CLRN3: variants seen among roughly 807,000 people sequenced by gnomAD.
CLRN3 encodes clarin-3.
In CLRN3, 12 loss-of-function variants were observed where a neutral mutation model predicts 16.7. The ratio of observed to expected loss-of-function variants is 0.72; its 90% CI spans 0.46 to 1.16. The LOEUF (loss-of-function observed/expected upper bound fraction) is 1.16. Among genes scored for constraint, CLRN3 ranks in the 50% most tolerant of loss-of-function variants. CLRN3 has a pLI of 0.00. For synonymous variants in CLRN3, 118 were observed against 113.0 expected (o/e 1.04, Z -0.28); for missense variants, 296 against 274.2 (o/e 1.08, Z -0.56).
At chr10:127,885,356 C>T (rs796672016) in intron 1 of CLRN3, among the ~76,000 whole-genome samples, 30 of 152,292 alleles carry the variant, frequency 2.0e-4, no homozygotes, top group South Asian at 8.3e-4. Flanking sequence ...TGCATCTCCA[C>T]GACTTAAACC....
intron 2 of CLRN3, among the ~76,000 whole-genome samples, chr10:127,880,251 C>CT (rs996180172): frequency 1.3e-5 from 2 of 152,074 alleles, no homozygotes; most frequent in Non-Finnish European, 2.9e-5. Context: ...AGTCTAAATG[C>CT]TTTTTTCCAG....
In CLRN3 at chr10:127,878,032, A is replaced by T. The variant is rs1248221370; in HGVS notation, c.*117T>A. ...TGAAGAACACAGTGTCATGAAACAC[A>T]AATGCTGTCACAGATGACAGTCACG... On this transcript the variant is annotated 3_prime_UTR_variant, in exon 3 of 3. Coordinates refer to ENST00000368671, the MANE Select transcript of CLRN3 (RefSeq NM_152311.5). 1.6e-6 allele frequency: 2 copies of T among 1,274,644 alleles called. No homozygotes were observed. Among genetic ancestry groups the T allele is most frequent in the South Asian group, 2.9e-5 (2 of 69,284 alleles). The allele number at this position is 1,274,644 out of a possible 1,614,324, so 79.0% of individuals were successfully genotyped here. A position where few individuals can be genotyped will look rare whatever the true frequency, so the allele number is the denominator to read the frequency against.
intron 1 of CLRN3, among the ~76,000 whole-genome samples, chr10:127,884,719 G>A (rs557060714): frequency 6.6e-6 from 1 of 152,210 alleles, no homozygotes. Flanking sequence ...TCCTGGTTTT[G>A]CCTTTCTCAG....
chr10:127,886,820 C>A (rs1359317917), intron 1 of CLRN3, among the ~76,000 whole-genome samples: 1 of 152,220 alleles, frequency 6.6e-6, no homozygotes. Flanking sequence ...GGTGACTGGA[C>A]TATTTTGCAA....
intron 2 of CLRN3, among the ~76,000 whole-genome samples, chr10:127,882,926 T>G (rs887593337): frequency 6.6e-6 from 1 of 152,078 alleles, no homozygotes; most frequent in Non-Finnish European, 1.5e-5. Context: ...GCAGGGCAAA[T>G]AGGTACTTCC....
intron 1 of CLRN3, among the ~76,000 whole-genome samples, chr10:127,889,735 C>T (rs189830854): frequency 5.3e-5 from 8 of 152,324 alleles, no homozygotes; most frequent in South Asian, 4.1e-4. Context: ...ATATTTGAAA[C>T]GACATTCACA....
At chr10:127,887,708 A>T (rs889906988) in intron 1 of CLRN3, among the ~76,000 whole-genome samples, 5 of 152,232 alleles carry the variant, frequency 3.3e-5, no homozygotes, top group Admixed American at 1.3e-4. Context: ...CTCAGAACTT[A>T]GACAATACAA....
rs1426305988 is a variant in CLRN3 at position 127,892,686 on chromosome 10, C to A, written c.99G>T (p.Trp33Cys). 1 of 1,612,656 alleles carries A rather than the reference C, an allele frequency of 6.2e-7. No homozygotes were observed. Among genetic ancestry groups the A allele is most frequent in the Non-Finnish European group, 8.5e-7 (1 of 1,178,782 alleles). The change falls in exon 1 of 3, where the codon TGG becomes TGT. Residue 33 changes from tryptophan (W) to cysteine (C), a missense_variant. Trp to Cys is a radical substitution (Grantham distance 215). Coordinates refer to ENST00000368671, the MANE Select transcript of CLRN3 (RefSeq NM_152311.5). ...CTCTAACAGCAATTGTACTGGTGAT[C>A]CATGCTTGTGTCCCAAGAATAGAGC... ...VICSILGTQA[W>C]ITSTIAVRDS...
In CLRN3 at chr10:127,883,294, ATG is replaced by A. The variant is rs5788878; in HGVS notation, c.409+400_409+401del. 9.3e-3 allele frequency among the ~76,000 whole-genome samples: 1,414 copies of A among 151,552 alleles called. 13 individuals are homozygous for A. Among genetic ancestry groups the A allele is most frequent in the Non-Finnish European group, 0.013 (849 of 67,870 alleles). On this transcript the variant is annotated intron_variant, in intron 2 of 2. Coordinates refer to ENST00000368671, the MANE Select transcript of CLRN3 (RefSeq NM_152311.5). ...CATGTGTGTGTGTGTGTGTGTGCAC[ATG>A]TGTGTGTGCATGCGTGTGCATGTGT...
chr10:127,881,715 G>T (rs1044516900), intron 2 of CLRN3, among the ~76,000 whole-genome samples: 3 of 152,218 alleles, frequency 2.0e-5, no homozygotes, highest in Non-Finnish European at 4.4e-5. Context: ...AAGTAGCCCA[G>T]GACTTTCTCT....
rs949903859 is a variant in CLRN3 at position 127,892,886 on chromosome 10, A to C, written c.-102T>G. The C allele has an allele frequency of 1.5e-5, 10 of 687,642 alleles. No homozygotes were observed. Among genetic ancestry groups the C allele is most frequent in the Non-Finnish European group, 2.0e-5 (8 of 397,672 alleles). The allele number at this position is 687,642 out of a possible 1,614,324, so 42.6% of individuals were successfully genotyped here. On this transcript the variant is annotated 5_prime_UTR_variant, in exon 1 of 3. Coordinates refer to ENST00000368671, the MANE Select transcript of CLRN3 (RefSeq NM_152311.5). Reference sequence around the variant, plus strand: ...GTCTGGTATTTAGAAATGGAGTCTAACACTTTATTGTCAAATATAAAATCT... The same window carrying C: ...GTCTGGTATTTAGAAATGGAGTCTACCACTTTATTGTCAAATATAAAATCT...
At chr10:127,891,974 G>A (rs184993005) in intron 1 of CLRN3, among the ~76,000 whole-genome samples, 2 of 149,070 alleles carry the variant, frequency 1.3e-5, no homozygotes, top group African/African-American at 2.5e-5. Context: ...CCATGGAGAG[G>A]AGGGCATTAT....
In CLRN3 at chr10:127,878,386, C is replaced by G. The variant is rs1591257976; in HGVS notation, c.444G>C (p.Val148=). 6.2e-7 allele frequency: 1 copy of G among 1,614,154 alleles called. No homozygotes were observed. ...AGAGTTGGTTGGACTGCGTGTTCGC[C>G]ACAAACAGTATCATGGTCACAAAAA... ...SFVFVTMILF[V]ANTQSNQLSE... The change falls in exon 3 of 3, where the codon GTG becomes GTC. Residue 148 remains valine (V), a synonymous_variant. Coordinates refer to ENST00000368671, the MANE Select transcript of CLRN3 (RefSeq NM_152311.5).
rs371486048 is a variant in CLRN3, at chr10:127,883,842, G to C, written c.263C>G (p.Thr88Ser). 6 of 1,614,180 alleles carry C rather than the reference G, an allele frequency of 3.7e-6. No homozygotes were observed. Among genetic ancestry groups the C allele is most frequent in the Non-Finnish European group, 5.1e-6 (6 of 1,180,020 alleles). The change falls in exon 2 of 3, where the codon ACT (threonine) becomes AGT (serine). Residue 88 changes from threonine to serine, a missense_variant. Thr to Ser is a moderately conservative substitution (Grantham distance 58). Coordinates refer to ENST00000368671, the MANE Select transcript of CLRN3 (RefSeq NM_152311.5). ...GAACAGGATAGTCACCGAATGCAGA[G>C]TTTTTTGGGAAGAATTATTCAGTAT... ...LEILNNSSQK[T>S]LHSVTILFLV...
rs139046381 is a variant in CLRN3 at position 127,878,125 on chromosome 10, C to T, written c.*24G>A. 3.9e-4 allele frequency: 625 copies of T among 1,605,732 alleles called. 2 individuals are homozygous for T. Among genetic ancestry groups the T allele is most frequent in the Middle Eastern group, 2.1e-3 (11 of 5,268 alleles). ...CAGGGCTGATGTACAATAGATGCAA[C>T]GCCAAAATGAGATGAAAGAGAATTC... is the stretch of plus-strand genomic sequence containing the variant. On this transcript the variant is annotated 3_prime_UTR_variant, in exon 3 of 3. Coordinates refer to ENST00000368671, the MANE Select transcript of CLRN3 (RefSeq NM_152311.5).
At chr10:127,882,698 A>G (rs996409127) in intron 2 of CLRN3, among the ~76,000 whole-genome samples, 1 of 152,168 alleles carries the variant, frequency 6.6e-6, no homozygotes, top group Admixed American at 6.5e-5. Context: ...CCCTCCTCCG[A>G]GGCTTCCTGA....
chr10:127,892,729 C>T lies in CLRN3; in HGVS notation c.56G>A (p.Gly19Glu). Residue 19 changes from glycine (G) to glutamate (E), a missense_variant, in exon 1 of 3, where the codon GGG becomes GAG. By Grantham distance (98) the Gly-to-Glu change is moderately conservative. Coordinates refer to ENST00000368671, the MANE Select transcript of CLRN3 (RefSeq NM_152311.5). ...MFLSSFFTSL[G>E]SFIVICSILG... is the part of the protein sequence containing the mutation. Reference sequence around the variant, plus strand: ...AATAGAGCAAATTACAATGAAGGACCCAAGGCTGGTGAAAAAGCTTGATAA... The same window carrying T: ...AATAGAGCAAATTACAATGAAGGACTCAAGGCTGGTGAAAAAGCTTGATAA... 1 of 1,613,704 alleles carries T rather than the reference C, an allele frequency of 6.2e-7. No homozygotes were observed. Among genetic ancestry groups the T allele is most frequent in the South Asian group, 1.1e-5 (1 of 91,064 alleles).
At position 127,878,377 on chromosome 10, in the gene CLRN3, C is replaced by A; in HGVS notation, c.453G>T (p.Thr151=). The change falls in exon 3 of 3, where the codon ACG becomes ACT. Residue 151 remains threonine (T), a synonymous_variant. Transcript: ENST00000368671. ...ACTCTTCGGAGAGTTGGTTGGACTGCGTGTTCGCCACAAACAGTATCATGG... is the reference window on the plus strand; with the variant it reads ...ACTCTTCGGAGAGTTGGTTGGACTGAGTGTTCGCCACAAACAGTATCATGG... ...FVTMILFVAN[T]QSNQLSEELF... 1.2e-6 allele frequency: 2 copies of A among 1,614,136 alleles called. No individual in the cohort carries two copies. Among genetic ancestry groups the A allele is most frequent in the African/African-American group, 2.7e-5 (2 of 75,014 alleles).
intron 1 of CLRN3, among the ~76,000 whole-genome samples, chr10:127,884,616 A>G (rs749003358): frequency 2.0e-5 from 3 of 152,178 alleles, no homozygotes; most frequent in Non-Finnish European, 2.9e-5. Flanking sequence ...GCATTGGATG[A>G]ATTTGCATAT....
Sources: gnomAD v4.1 joint callset for allele counts (sites outside exome capture counted in the v4.1 genomes callset) on GRCh38, gnomAD v4.1.1 for gene constraint, MANE v1.5 for transcripts, NCBI Gene and HGNC (gene_info 2026-07-23, HGNC 2026-07-21) for gene names.